Variants in LRRC38 observed in about 807,000 individuals in gnomAD.
LRRC38 encodes leucine-rich repeat-containing protein 38.
LRRC38 carries 5 observed loss-of-function variants against 16.4 expected under a neutral mutation model. The observed-to-expected ratio is 0.31, with a 90% CI of 0.16 to 0.64. The LOEUF (loss-of-function observed/expected upper bound fraction) is 0.64. Ranked by LOEUF, LRRC38 falls within the 30% of genes least tolerant of loss-of-function variation. The pLI is 0.80. For missense variants in LRRC38, 341 were observed against 401.8 expected (o/e 0.85, Z 1.29); for synonymous variants, 191 against 190.2 (o/e 1.00, Z -0.04).
intron 1 of LRRC38, among the ~76,000 whole-genome samples, chr1:13,481,099 T>C (rs7524833): frequency 0.9 from 136,314 of 152,170 alleles, 61,298 homozygotes; most frequent in African/African-American, 0.97. Context: ...AGGGTGTGGC[T>C]GTCCTGATGG....
At chr1:13,509,533 T>G (rs1244189167) in intron 1 of LRRC38, among the ~76,000 whole-genome samples, 1 of 152,088 alleles carries the variant, frequency 6.6e-6, no homozygotes, top group Non-Finnish European at 1.5e-5. Context: ...TGTAAAGTCC[T>G]TCCACACTGT....
chr1:13,492,636 A>T (rs1639027679), intron 1 of LRRC38, among the ~76,000 whole-genome samples: 2 of 151,924 alleles, frequency 1.3e-5, no homozygotes, highest in Admixed American at 1.3e-4. Context: ...TGGGAGATGG[A>T]GGTTACAGTG....
intron 1 of LRRC38, among the ~76,000 whole-genome samples, chr1:13,486,264 C>T (rs1025764991): frequency 2.0e-5 from 3 of 152,148 alleles, no homozygotes; most frequent in African/African-American, 7.2e-5. Context: ...TCTTGCAAGT[C>T]TCCCTCTGCC....
At chr1:13,478,716 G>A (rs1638815543) in intron 1 of LRRC38, among the ~76,000 whole-genome samples, 1 of 152,276 alleles carries the variant, frequency 6.6e-6, no homozygotes, top group Non-Finnish European at 1.5e-5. Context: ...CTTCTGTCCT[G>A]GAAAAAGCAG....
At chr1:13,495,553 C>T (rs1423604971) in intron 1 of LRRC38, among the ~76,000 whole-genome samples, 1 of 151,940 alleles carries the variant, frequency 6.6e-6, no homozygotes, top group Non-Finnish European at 1.5e-5. Context: ...TTTTAAGCAC[C>T]CTGGACCCTC....
chr1:13,512,935 C>CAA, intron 1 of LRRC38, 28 bp downstream of exon 1: 21 of 1,490,288 alleles, frequency 1.4e-5, no homozygotes, highest in Non-Finnish European at 1.6e-5. Context: ...CCCTCCCTCC[C>CAA]TCCCCCAGCC....
chr1:13,482,570 A>C (rs1179658191), intron 1 of LRRC38, among the ~76,000 whole-genome samples: 3 of 139,156 alleles, frequency 2.2e-5, no homozygotes, highest in African/African-American at 8.3e-5. Context: ...ACCGAATAAG[A>C]CTCCATCTCG....
At chr1:13,501,608 G>GTTTT (rs1171886064) in intron 1 of LRRC38, among the ~76,000 whole-genome samples, 15,755 of 112,478 alleles carry the variant, frequency 0.14, 1,951 homozygotes, top group East Asian at 0.34. Flanking sequence ...TTGTTTGTTT[G>GTTTT]TTTGAGATAG....
intron 1 of LRRC38, among the ~76,000 whole-genome samples, chr1:13,504,769 G>GTGGGGAGGGA (rs1639190943): frequency 1.2e-5 from 1 of 80,336 alleles, no homozygotes; most frequent in African/African-American, 5.3e-5. Context: ...GAGGGGAAGG[G>GTGGGGAGGGA]AGGGAAGGGG....
intron 1 of LRRC38, among the ~76,000 whole-genome samples, chr1:13,484,298 C>G (rs1334639332): frequency 2.0e-5 from 3 of 152,116 alleles, no homozygotes; most frequent in Non-Finnish European, 4.4e-5. Flanking sequence ...TCTCCCCCTT[C>G]CCTCTTTGTT....
chr1:13,476,146 A>C (rs767775481), intron 1 of LRRC38, 47 bp from the exon 2 acceptor site: 1 of 1,536,010 alleles, frequency 6.5e-7, no homozygotes, highest in Non-Finnish European at 8.8e-7. Flanking sequence ...CTGCAGCTCA[A>C]GGTTGCCTAA....
Position 13,513,710 on chromosome 1 carries a change from G to A in LRRC38, c.-117C>T. On this transcript the variant is annotated 5_prime_UTR_variant, in exon 1 of 2. Transcript: ENST00000376085. ...GGCGCGGGGAGCCAGAGGGCGGCCC[G>A]GGCGGGGAGGGCGTGCGCCCGGGCG... The A allele has an allele frequency of 1.9e-6, 1 of 518,388 alleles. No homozygotes were observed. Among genetic ancestry groups the A allele is most frequent in the Non-Finnish European group, 2.5e-6 (1 of 400,978 alleles). The allele number at this position is 518,388 out of a possible 1,614,324, so 32.1% of individuals were successfully genotyped here.
intron 1 of LRRC38, among the ~76,000 whole-genome samples, chr1:13,484,400 G>T (rs1638907403): frequency 6.6e-6 from 1 of 151,964 alleles, no homozygotes; most frequent in South Asian, 2.1e-4. Flanking sequence ...TTTGTTACCT[G>T]CTGTATTCCT....
At chr1:13,502,367 TG>T (rs1639161099) in intron 1 of LRRC38, among the ~76,000 whole-genome samples, 1 of 152,212 alleles carries the variant, frequency 6.6e-6, no homozygotes, top group African/African-American at 2.4e-5. Flanking sequence ...TTCTTTCCCC[TG>T]ACCTCGGGGC....
chr1:13,512,921 G>GCCCGC, intron 1 of LRRC38, 42 bp downstream of exon 1: 16 of 1,246,160 alleles, frequency 1.3e-5, no homozygotes, highest in Non-Finnish European at 6.7e-6. Context: ...GCCTCTCCCT[G>GCCCGC]CCCCCCTCCC....
intron 1 of LRRC38, among the ~76,000 whole-genome samples, chr1:13,500,244 G>C (rs1639130992): frequency 2.2e-5 from 2 of 90,642 alleles, no homozygotes; most frequent in Non-Finnish European, 4.5e-5. Flanking sequence ...GACAGAGTGA[G>C]ACTCTGTCTC....
chr1:13,494,849 TG>T lies in LRRC38; in HGVS notation c.631+18113del, dbSNP rs781516394. On this transcript the variant is annotated intron_variant, in intron 1 of 1. Transcript: ENST00000376085. ...CCTACAGTCTAAGCCATTTGTCTTC[TG>T]GAATGTTGGCTCCAGGAGGGCAGAG... Among the ~76,000 whole-genome samples the T allele has an allele frequency of 7.2e-4, 109 of 152,216 alleles. 3 individuals carry two copies. The highest frequency in any genetic ancestry group is 3.2e-3 in the Middle Eastern group (1 of 316).
chr1:13,503,026 G>A (rs1173689264), intron 1 of LRRC38, among the ~76,000 whole-genome samples: 2 of 152,158 alleles, frequency 1.3e-5, no homozygotes, highest in Non-Finnish European at 2.9e-5. Context: ...TTGAAAGGGA[G>A]CTCCTGGGGT....
intron 1 of LRRC38, among the ~76,000 whole-genome samples, chr1:13,505,504 G>A (rs1471482899): frequency 6.6e-6 from 1 of 152,210 alleles, no homozygotes; most frequent in Admixed American, 6.5e-5. Flanking sequence ...ACCCCTAGGA[G>A]TGTGCATTCC....
Sources: gnomAD v4.1 joint callset for allele counts (sites outside exome capture counted in the v4.1 genomes callset) on GRCh38, gnomAD v4.1.1 for gene constraint, MANE v1.5 for transcripts, NCBI Gene and HGNC (gene_info 2026-07-23, HGNC 2026-07-21) for gene names.